Variants in ZNF518B observed in about 807,000 individuals in gnomAD.
The protein encoded by ZNF518B is zinc finger protein 518B.
A neutral mutation model predicts 56.3 loss-of-function variants in ZNF518B; 23 were observed. The ratio of observed to expected loss-of-function variants is 0.41; its 90% confidence interval spans 0.29 to 0.58. The LOEUF is 0.58. ZNF518B is among the 20% of genes least tolerant of loss of function. The pLI, the probability that ZNF518B is intolerant of heterozygous loss-of-function variation, is 0.32. For synonymous variants in ZNF518B, 529 were observed against 465.9 expected, an observed-to-expected ratio of 1.14 and a Z score of -1.74; for missense variants, 1,460 against 1,272.1, an observed-to-expected ratio of 1.15 and a Z score of -2.25.
Position 10,446,256 on chromosome 4 carries a change from T to C in ZNF518B, c.73A>G (p.Lys25Glu). ...GGTGCTCCATTAGCATCAGGCTGTT[T>C]GGGTGACATGGTCAAGGAATTATGT... is the stretch of plus-strand genomic sequence containing the variant. The part of the protein sequence containing the change: ...GGHNSLTMSP[K>E]QPDANGAPRP... The change falls in exon 3 of 3, where the codon AAA becomes GAA. Residue 25 changes from lysine to glutamate, a missense_variant. Physicochemically the swap from Lys to Glu is moderately conservative, Grantham distance 56. Coordinates refer to ENST00000326756, the MANE Select transcript of ZNF518B (RefSeq NM_053042.3). The C allele has an allele frequency of 6.2e-7, 1 of 1,614,246 alleles. No individual in the cohort carries two copies. The highest frequency in any genetic ancestry group is 8.5e-7 in the Non-Finnish European group (1 of 1,180,044).
At chr4:10,448,146 G>C (rs992978317) in intron 2 of ZNF518B, among the ~76,000 whole-genome samples, 21 of 152,140 alleles carry the variant, frequency 1.4e-4, no homozygotes, top group African/African-American at 5.1e-4. Context: ...ATTCCTCCCA[G>C]AGCCGCCATG....
rs368988904 is a variant in ZNF518B at position 10,443,158 on chromosome 4, C to T, written c.3171G>A (p.Arg1057=). 7.2e-5 allele frequency: 117 copies of T among 1,614,006 alleles called. No homozygotes were observed. Among genetic ancestry groups the T allele is most frequent in the Admixed American group, 4.2e-4 (25 of 59,986 alleles). The change falls in exon 3 of 3, where the codon CGG becomes CGA. Residue 1057 remains arginine, a synonymous_variant. Coordinates refer to ENST00000326756, the MANE Select transcript of ZNF518B (RefSeq NM_053042.3). ...DQEEWMSHGQ[R]HLIEATRDWD... is the part of the protein sequence containing the mutation. ...AATCTCTAGTTGCTTCTATCAAATG[C>T]CGTTGGCCATGACTCATCCACTCTT...
chr4:10,452,911 C>G (rs1421597375), intron 2 of ZNF518B: 1 of 152,172 alleles, frequency 6.6e-6, no homozygotes, highest in Non-Finnish European at 1.5e-5. Flanking sequence ...CATCTGAAAC[C>G]AAGTGTACTG....
In ZNF518B at chr4:10,444,773, T is replaced by C. The variant is rs1404418961; in HGVS notation, c.1556A>G (p.Asn519Ser). Residue 519 changes from asparagine to serine, a missense_variant, in exon 3 of 3, where the codon AAT (asparagine) becomes AGT (serine). Transcript: ENST00000326756. Reference sequence around the variant, plus strand: ...TAACTGCTGTGAGCTACTGTGTAAATTTCTTCCACTTTCAGCAAAACAAAC... The same window carrying C: ...TAACTGCTGTGAGCTACTGTGTAAACTTCTTCCACTTTCAGCAAAACAAAC... The part of the protein sequence containing the change: ...AAVCFAESGR[N>S]LHSSSQQLLP... 3.7e-6 allele frequency: 6 copies of C among 1,613,784 alleles called. No homozygotes were observed. The highest frequency in any genetic ancestry group is 1.7e-5 in the Admixed American group (1 of 59,956).
At position 10,443,636 on chromosome 4, in the gene ZNF518B, C is replaced by G; in HGVS notation, c.2693G>C (p.Arg898Thr). The G allele has an allele frequency of 6.2e-7, 1 of 1,614,098 alleles. No individual in the cohort carries two copies. The change falls in exon 3 of 3, where the codon AGG (arginine) becomes ACG (threonine). Residue 898 changes from arginine to threonine, a missense_variant. Physicochemically the swap from Arg to Thr is moderately conservative, Grantham distance 71. Transcript: ENST00000326756. ...RNKTKQVHLS[R>T]KKNKIQAEPS... ...TTCAGCTTGAATTTTGTTTTTCTTCCTGGATAAGTGTACTTGTTTGGTTTT... is the reference window on the plus strand; with the variant it reads ...TTCAGCTTGAATTTTGTTTTTCTTCGTGGATAAGTGTACTTGTTTGGTTTT...
upstream of ZNF518B, among the ~76,000 whole-genome samples, chr4:10,459,831 A>C (rs1191478164): frequency 6.6e-6 from 1 of 152,030 alleles, no homozygotes; most frequent in East Asian, 1.9e-4. Context: ...TTGATTTCAG[A>C]CTTCTGAGCC....
chr4:10,455,119 C>CG (rs1192157570), intron 1 of ZNF518B, 131 bp from the exon 2 acceptor site: 1 of 152,198 alleles, frequency 6.6e-6, no homozygotes, highest in Admixed American at 6.5e-5. Flanking sequence ...AAGTCACCCA[C>CG]GGAACTTAAA....
At position 10,445,613 on chromosome 4, in the gene ZNF518B, T is replaced by C; in HGVS notation, c.716A>G (p.Asn239Ser). The stretch of plus-strand genomic sequence containing the variant: ...ATTGGAAGCTTTTAGAAGCTCTGGG[T>C]TTTGTTTTGAAGTTCCGGTTCTTTT... ...EPKRTGTSKQ[N>S]PELLKASNPR... Residue 239 changes from asparagine to serine, a missense_variant, in exon 3 of 3, where the codon AAC becomes AGC. Asn to Ser is a conservative substitution (Grantham distance 46, BLOSUM62 1). Coordinates refer to ENST00000326756, the MANE Select transcript of ZNF518B (RefSeq NM_053042.3). The C allele has an allele frequency of 6.2e-7, 1 of 1,614,146 alleles. No homozygotes were observed. The highest frequency in any genetic ancestry group is 1.3e-5 in the African/African-American group (1 of 75,050).
chr4:10,460,347 G>GTA (rs2109001916), upstream of ZNF518B, among the ~76,000 whole-genome samples: 1 of 125,614 alleles, frequency 8.0e-6, no homozygotes, highest in East Asian at 2.4e-4. Context: ...AACCGACCAT[G>GTA]TATGAATGCC....
chr4:10,453,819 T>C (rs918414866), intron 2 of ZNF518B: 3 of 152,216 alleles, frequency 2.0e-5, no homozygotes, highest in Non-Finnish European at 4.4e-5. Context: ...ATATCTCCCA[T>C]TAAACCAGTA....
In ZNF518B at chr4:10,445,461, A is replaced by G. The variant is rs752527771; in HGVS notation, c.868T>C (p.Cys290Arg). ...GACAGGGTCATTTTATTTGGAATAC[A>G]AACTACATCTTTTTGGTATTCCTTT... ...EPKEYQKDVVCIPNKMTLSEP... is the reference protein window; with the variant it reads ...EPKEYQKDVVRIPNKMTLSEP... Residue 290 changes from cysteine to arginine, a missense_variant, in exon 3 of 3, where the codon TGT becomes CGT. By Grantham distance (180) the Cys-to-Arg change is radical. Transcript: ENST00000326756. 8 of 1,614,148 alleles carry G rather than the reference A, an allele frequency of 5.0e-6. No individual in the cohort carries two copies. The highest frequency in any genetic ancestry group is 6.8e-6 in the Non-Finnish European group (8 of 1,180,050).
chr4:10,452,467 T>C (rs1715359879), intron 2 of ZNF518B: 2 of 152,068 alleles, frequency 1.3e-5, no homozygotes, highest in South Asian at 4.2e-4. Flanking sequence ...TACCCCAAAG[T>C]GCCCAGTGAA....
rs1378724940 is a variant in ZNF518B, at chr4:10,445,568, T to C, written c.761A>G (p.Asn254Ser). 1 of 1,614,202 alleles carries C rather than the reference T, an allele frequency of 6.2e-7. No homozygotes were observed. The highest frequency in any genetic ancestry group is 1.7e-5 in the Admixed American group (1 of 60,026). The change falls in exon 3 of 3, where the codon AAT (asparagine) becomes AGT (serine). Residue 254 changes from asparagine (N) to serine (S), a missense_variant. Asn to Ser is a conservative substitution (Grantham distance 46). Transcript: ENST00000326756. ...KASNPRTTFQ[N>S]KWSDQLSGFS... is the part of the protein sequence containing the mutation. ...ACCTGACAGTTGGTCTGACCACTTA[T>C]TTTGAAATGTAGTCCGTGGATTGGA...
chr4:10,448,830 G>A (rs1577224755), intron 2 of ZNF518B, among the ~76,000 whole-genome samples: 1 of 150,372 alleles, frequency 6.7e-6, no homozygotes, highest in African/African-American at 2.5e-5. Context: ...ACTTTCAGAG[G>A]AGTCATTATG....
At position 10,445,854 on chromosome 4, in the gene ZNF518B, C is replaced by T. The variant is rs1211119686; in HGVS notation, c.475G>A (p.Glu159Lys). 1 of 1,613,982 alleles carries T rather than the reference C, an allele frequency of 6.2e-7. No individual in the cohort carries two copies. Among genetic ancestry groups the T allele is most frequent in the African/African-American group, 1.3e-5 (1 of 75,056 alleles). Residue 159 changes from glutamate (E) to lysine (K), a missense_variant, in exon 3 of 3, where the codon GAG becomes AAG. Coordinates refer to ENST00000326756, the MANE Select transcript of ZNF518B (RefSeq NM_053042.3). ...CAGTGAGAACAAATGAATTTAATCTCCTCGTGTTGAAGGGTGTGCTTTTTG... is the reference window on the plus strand; with the variant it reads ...CAGTGAGAACAAATGAATTTAATCTTCTCGTGTTGAAGGGTGTGCTTTTTG... Reference protein sequence around the residue: ...QYKKHTLQHEEIKFICSHCSY... With the variant: ...QYKKHTLQHEKIKFICSHCSY...
rs763540251 is a variant in ZNF518B at position 10,446,039 on chromosome 4, T to C, written c.290A>G (p.Asn97Ser). The C allele has an allele frequency of 3.7e-5, 59 of 1,613,964 alleles. No homozygotes were observed. Among genetic ancestry groups the C allele is most frequent in the Non-Finnish European group, 4.3e-5 (51 of 1,180,026 alleles). ...GGAATTATTGCTCACAAAATGAAAA[T>C]TGGGAGGAGCTGCACCGAGGCTGCA... ...FQCSLGAAPPNFHFVSNNSSA... is the reference protein window; with the variant it reads ...FQCSLGAAPPSFHFVSNNSSA... The change falls in exon 3 of 3, where the codon AAT becomes AGT. Residue 97 changes from asparagine to serine, a missense_variant. By Grantham distance (46) the Asn-to-Ser change is conservative (BLOSUM62 1). Coordinates refer to ENST00000326756, the MANE Select transcript of ZNF518B (RefSeq NM_053042.3).
rs1715041833 is a variant in ZNF518B, at chr4:10,446,169, T to C, written c.160A>G (p.Met54Val). The C allele has an allele frequency of 6.2e-7, 1 of 1,614,236 alleles. No homozygotes were observed. Among genetic ancestry groups the C allele is most frequent in the African/African-American group, 1.3e-5 (1 of 75,072 alleles). The change falls in exon 3 of 3, where the codon ATG becomes GTG. Residue 54 changes from methionine to valine, a missense_variant. By Grantham distance (21) the Met-to-Val change is conservative. Coordinates refer to ENST00000326756, the MANE Select transcript of ZNF518B (RefSeq NM_053042.3). ...TTTGCACATGTAGCAATGGTCATCA[T>C]GGCAGCCTCTGCCTCTGAGCCTTGA... Reference protein sequence around the residue: ...LYQGSEAEAAMMTIATCAKCK... With the variant: ...LYQGSEAEAAVMTIATCAKCK...
upstream of ZNF518B, among the ~76,000 whole-genome samples, chr4:10,457,640 G>C (rs1207663429): frequency 1.3e-5 from 2 of 152,228 alleles, no homozygotes; most frequent in Non-Finnish European, 2.9e-5. Flanking sequence ...CATGCCGCAG[G>C]CAAAAGAAGG....
upstream of ZNF518B, among the ~76,000 whole-genome samples, chr4:10,460,324 C>CAAAAAAAAAAAAAAAAAAAAAAAAAAAA (rs1715706695): frequency 5.7e-5 from 1 of 17,398 alleles, no homozygotes; most frequent in Non-Finnish European, 9.3e-5. Context: ...AAAAAAAAAA[C>CAAAAAAAAAAAAAAAAAAAAAAAAAAAA]CAAAAAAAAA....
Sources: allele counts gnomAD v4.1 joint callset (sites outside exome capture counted in the v4.1 genomes callset), GRCh38; gene constraint gnomAD v4.1.1; transcripts MANE v1.5; gene names NCBI Gene and HGNC (gene_info 2026-07-23, HGNC 2026-07-21).